Variants in ZNF286A observed in about 807,000 individuals in gnomAD.
ZNF286A encodes the protein zinc finger protein 286A, also known as zinc finger protein ZNF286.
Under a neutral mutation model 49.3 loss-of-function variants are expected in ZNF286A, and 34 were observed. The observed-to-expected ratio is 0.69, with a 90% CI of 0.52 to 0.92. The LOEUF (loss-of-function observed/expected upper bound fraction) is 0.92, where lower values mean the gene tolerates loss of function less well. Among genes scored for constraint, ZNF286A ranks in the 40% least tolerant of loss-of-function variants. The pLI is 0.00. For missense variants in ZNF286A, 462 were observed against 600.2 expected (o/e 0.77, Z 2.41); for synonymous variants, 155 against 200.4 (o/e 0.77, Z 1.91).
intron 3 of ZNF286A, chr17:15,704,452 A>C: frequency 6.2e-7 from 1 of 1,611,596 alleles, no homozygotes. Context: ...CTCTGTGAGC[A>C]GACGGGCCCG....
At chr17:15,707,932 C>G (rs1990358120) in intron 4 of ZNF286A, among the ~76,000 whole-genome samples, 2 of 152,062 alleles carry the variant, frequency 1.3e-5, no homozygotes, top group Non-Finnish European at 2.9e-5. Context: ...GGGAGGATAG[C>G]TTGAGCCCCG....
At chr17:15,708,112 A>G (rs749173894) in intron 4 of ZNF286A, 43 bp from the exon 5 acceptor site, 1 of 1,436,956 alleles carries the variant, frequency 7.0e-7, no homozygotes, top group Admixed American at 2.3e-5. Context: ...ACTTACTCCC[A>G]TTACTTTCTT....
chr17:15,700,986 G>A (rs554818689), intron 2 of ZNF286A, among the ~76,000 whole-genome samples, 166 bp from the exon 3 acceptor site: 382 of 145,130 alleles, frequency 2.6e-3, no homozygotes, highest in Non-Finnish European at 2.9e-3. Flanking sequence ...CAATATTCCC[G>A]CATATCCCGG....
Position 15,708,212 on chromosome 17 carries a change from A to G in ZNF286A, c.299A>G (p.Lys100Arg). ...YNLENGKEPLKLERKAPKSSY... is the reference protein window; with the variant it reads ...YNLENGKEPLRLERKAPKSSY... ...TTGGAGAATGGAAAAGAACCATTGA[A>G]GCTTGAGAGAAAAGCCCCCAAAAGC... Residue 100 changes from lysine to arginine, a missense_variant, in exon 5 of 6, where the codon AAG becomes AGG. Lys to Arg is a conservative substitution (Grantham distance 26). Coordinates refer to ENST00000583566, the MANE Select transcript of ZNF286A (RefSeq NM_001130842.2). 3.1e-6 allele frequency: 5 copies of G among 1,593,738 alleles called. No individual in the cohort carries two copies. Among genetic ancestry groups the G allele is most frequent in the Non-Finnish European group, 4.3e-6 (5 of 1,170,190 alleles).
chr17:15,715,465 T>C (rs1966983695), intron 5 of ZNF286A, among the ~76,000 whole-genome samples: 2 of 152,184 alleles, frequency 1.3e-5, no homozygotes, highest in Non-Finnish European at 2.9e-5. Flanking sequence ...TGAAATGTTA[T>C]CAGTCTTTTG....
intron 3 of ZNF286A, chr17:15,704,255 T>G: frequency 1.2e-6 from 2 of 1,605,420 alleles, no homozygotes; most frequent in Admixed American, 1.7e-5. Flanking sequence ...AGCGCCCGCT[T>G]CTTGTCCGTC....
At chr17:15,708,428 A>G (rs1041139031) in intron 5 of ZNF286A, 181 bp downstream of exon 5, 2 of 427,600 alleles carry the variant, frequency 4.7e-6, no homozygotes, top group Non-Finnish European at 8.2e-6. Context: ...TCCATCACTG[A>G]GATTAGACAC....
rs150195841 is a variant in ZNF286A at position 15,705,366 on chromosome 17, A to G, written c.127-1021A>G. Among the ~76,000 whole-genome samples, 1,179 of 151,790 alleles carry G rather than the reference A, an allele frequency of 7.8e-3. 5 individuals carry two copies. Among genetic ancestry groups the G allele is most frequent in the Non-Finnish European group, 0.012 (793 of 67,928 alleles). ...TAAAATTTCTGCTTTTATATTGTAAATATTTCTCTTTTCCTTTGTTTTTTG... is the reference window on the plus strand; with the variant it reads ...TAAAATTTCTGCTTTTATATTGTAAGTATTTCTCTTTTCCTTTGTTTTTTG... On this transcript the variant is annotated intron_variant, in intron 3 of 5. Transcript: ENST00000583566.
chr17:15,709,892 A>G (rs1382004359), intron 5 of ZNF286A: 1 of 1,542,112 alleles, frequency 6.5e-7, no homozygotes, highest in Non-Finnish European at 8.8e-7. Flanking sequence ...CTGGAAGAAG[A>G]ATTAGTAGGT....
At position 15,720,431 on chromosome 17, in the gene ZNF286A, G is replaced by A. The variant is rs1398583933; in HGVS notation, c.*3141G>A. On this transcript the variant is annotated 3_prime_UTR_variant, in exon 6 of 6. Coordinates refer to ENST00000583566, the MANE Select transcript of ZNF286A (RefSeq NM_001130842.2). ...TAAAGATGGGACGTGACTTCTTTCT[G>A]CTCTTGCTTCCATCTGGTGCTGTTT... 6.7e-6 allele frequency: 1 copy of A among 148,918 alleles called. No homozygotes were observed. Among genetic ancestry groups the A allele is most frequent in the African/African-American group, 2.5e-5 (1 of 39,988 alleles). The allele number at this position is 148,918 out of a possible 1,614,324, so 9.2% of individuals were successfully genotyped here.
At position 15,716,992 on chromosome 17, in the gene ZNF286A, C is replaced by T; in HGVS notation, c.1268C>T (p.Thr423Ile). Residue 423 changes from threonine to isoleucine, a missense_variant, in exon 6 of 6, where the codon ACA becomes ATA. By Grantham distance (89) the Thr-to-Ile change is moderately conservative. Coordinates refer to ENST00000583566, the MANE Select transcript of ZNF286A (RefSeq NM_001130842.2). ...SECGKTFSQS[T>I]HLVQHQRIHT... ...TGTGGAAAAACTTTTAGTCAGAGCA[C>T]ACATCTTGTTCAACATCAGAGAATT... The T allele has an allele frequency of 1.2e-6, 2 of 1,613,704 alleles. No homozygotes were observed. The highest frequency in any genetic ancestry group is 8.5e-7 in the Non-Finnish European group (1 of 1,179,800).
chr17:15,709,448 TG>T (rs1480143772), intron 5 of ZNF286A, among the ~76,000 whole-genome samples: 1 of 151,676 alleles, frequency 6.6e-6, no homozygotes. Context: ...GCCGAGATCA[TG>T]CCATTGCACT....
rs758967807 is a variant in ZNF286A, at chr17:15,706,416, G to A, written c.156G>A (p.Met52Ile). ...CAGTGACATTCAAGGATGTGGCCAT[G>A]GACTTTACACCAGAGGAGTGGGGGA... ...QETVTFKDVAMDFTPEEWGKL... is the reference protein window; with the variant it reads ...QETVTFKDVAIDFTPEEWGKL... The change falls in exon 4 of 6, where the codon ATG becomes ATA. Residue 52 changes from methionine to isoleucine, a missense_variant. By Grantham distance (10) the Met-to-Ile change is conservative (BLOSUM62 1). Around this residue, in one of 3 missense-constraint regions of ZNF286A, gnomAD observed 259 missense variants for 272.2 expected, o/e 0.95. Coordinates refer to ENST00000583566, the MANE Select transcript of ZNF286A (RefSeq NM_001130842.2). 1.2e-6 allele frequency: 2 copies of A among 1,613,880 alleles called. No individual in the cohort carries two copies. The highest frequency in any genetic ancestry group is 1.3e-5 in the African/African-American group (1 of 74,914).
rs184645383 is a variant in ZNF286A, at chr17:15,715,223, T to G, written c.335-836T>G. Among the ~76,000 whole-genome samples the G allele has an allele frequency of 9.5e-3, 1,439 of 152,026 alleles. 8 individuals carry two copies. Among genetic ancestry groups the G allele is most frequent in the Middle Eastern group, 0.017 (5 of 294 alleles). ...TTTCCATTTATCCTTTTTTTATTTT[T>G]TTTTAAATGTAAGCAAACAGTATAG... On this transcript the variant is annotated intron_variant, in intron 5 of 5. Coordinates refer to ENST00000583566, the MANE Select transcript of ZNF286A (RefSeq NM_001130842.2).
intron 5 of ZNF286A, among the ~76,000 whole-genome samples, chr17:15,711,914 C>T (rs1489919472): frequency 7.5e-6 from 1 of 133,596 alleles, no homozygotes; most frequent in Non-Finnish European, 1.6e-5. Context: ...CTCTATTGCC[C>T]AGGCTGGAGT....
At chr17:15,704,572 C>T (rs1451180872) in intron 3 of ZNF286A, 78 of 1,613,940 alleles carry the variant, frequency 4.8e-5, no homozygotes, top group Non-Finnish European at 6.4e-5. Context: ...CAGTACGTGT[C>T]GGATGCCCAG....
chr17:15,703,628 T>A (rs1416606186), intron 3 of ZNF286A, among the ~76,000 whole-genome samples: 3 of 152,184 alleles, frequency 2.0e-5, no homozygotes. Flanking sequence ...TTCAGACATA[T>A]GGTATACTAT....
chr17:15,702,218 A>G (rs1429107373), intron 3 of ZNF286A, among the ~76,000 whole-genome samples: 1 of 151,696 alleles, frequency 6.6e-6, no homozygotes, highest in East Asian at 1.9e-4. Flanking sequence ...TGAAACTTTT[A>G]TTAAAAGAAG....
chr17:15,714,387 A>G (rs989658763), intron 5 of ZNF286A, among the ~76,000 whole-genome samples: 5 of 152,140 alleles, frequency 3.3e-5, no homozygotes, highest in Non-Finnish European at 7.4e-5. Flanking sequence ...ATAGTTTCCC[A>G]GGGATTCATG....
Sources: allele counts gnomAD v4.1 joint callset (sites outside exome capture counted in the v4.1 genomes callset), GRCh38; gene constraint gnomAD v4.1.1; regional missense constraint gnomAD v4.1.1; transcripts MANE v1.5; gene names NCBI Gene and HGNC (gene_info 2026-07-23, HGNC 2026-07-21).